Variants in DRC7 observed in about 807,000 individuals in gnomAD.
DRC7 encodes dynein regulatory complex subunit 7.
DRC7 carries 80 observed loss-of-function variants against 104.4 expected under a neutral mutation model. The observed-to-expected ratio is 0.77, with a 90% CI of 0.64 to 0.92. The LOEUF (loss-of-function observed/expected upper bound fraction) is 0.92, where lower values mean the gene tolerates loss of function less well. Among genes scored for constraint, DRC7 ranks in the 40% least tolerant of loss-of-function variants. The probability of loss-of-function intolerance (pLI) is 0.00; values close to 1 mark genes in which losing one functional copy is unlikely to be tolerated. For missense variants in DRC7, 1,034 were observed against 1,141.1 expected (o/e 0.91, Z 1.35); for synonymous variants, 405 against 447.3 (o/e 0.91, Z 1.19).
chr16:57,713,544 T>C (rs2048810277), intron 8 of DRC7, among the ~76,000 whole-genome samples: 1 of 152,256 alleles, frequency 6.6e-6, no homozygotes, highest in African/African-American at 2.4e-5. Context: ...GATATTAATA[T>C]AGCCACTGGA....
intron 8 of DRC7, among the ~76,000 whole-genome samples, chr16:57,712,755 C>G (rs751459946): frequency 6.6e-6 from 1 of 152,022 alleles, no homozygotes; most frequent in Non-Finnish European, 1.5e-5. Flanking sequence ...GCAATCTCCA[C>G]CTCCTGGGTT....
chr16:57,715,003 A>G, intron 8 of DRC7: 2 of 256,530 alleles, frequency 7.8e-6, no homozygotes, highest in Admixed American at 9.0e-5. Flanking sequence ...CAGATGCACC[A>G]AATTATGGGA....
Position 57,724,771 on chromosome 16 carries a change from G to T in DRC7, c.1694G>T (p.Ser565Ile). Residue 565 changes from serine to isoleucine, a missense_variant, in exon 13 of 19, where the codon AGC becomes ATC. Coordinates refer to ENST00000360716, the MANE Select transcript of DRC7 (RefSeq NM_001289162.2). The stretch of plus-strand genomic sequence containing the variant: ...GACTTCCTCTCCTACCGCCATGCCA[G>T]CTTCGGACCCCGAGTCAAGAAGCTC... ...RPDFLSYRHA[S>I]FGPRVKKLTL... The T allele has an allele frequency of 6.2e-7, 1 of 1,613,826 alleles. No individual in the cohort carries two copies. Among genetic ancestry groups the T allele is most frequent in the Admixed American group, 1.7e-5 (1 of 60,020 alleles).
chr16:57,701,797 A>AG, intron 5 of DRC7, 139 bp from the exon 6 acceptor site: 1 of 658,750 alleles, frequency 1.5e-6, no homozygotes. Flanking sequence ...TGACCCCACA[A>AG]GGGTTAGGGG....
In DRC7 at chr16:57,707,459, G is replaced by A. The variant is rs1175071073; in HGVS notation, c.859-1G>A. 1.9e-6 allele frequency: 3 copies of A among 1,610,162 alleles called. No homozygotes were observed. The highest frequency in any genetic ancestry group is 2.5e-6 in the Non-Finnish European group (3 of 1,178,050). On this transcript the variant is annotated splice_acceptor_variant, in intron 7 of 18. Coordinates refer to ENST00000360716, the MANE Select transcript of DRC7 (RefSeq NM_001289162.2). LOFTEE classifies it high-confidence loss of function. ...CGTAGTCACCCACCTTTCCTTGGCA[G>A]GAAGCGGAGAAGGCAAAGCCGGATG... is the stretch of plus-strand genomic sequence containing the variant.
chr16:57,718,553 A>ATG, intron 9 of DRC7, 78 bp downstream of exon 9: 1 of 1,555,918 alleles, frequency 6.4e-7, no homozygotes, highest in Admixed American at 1.8e-5. Flanking sequence ...CCAGCAGCAT[A>ATG]TGTGTGGCAG....
chr16:57,699,368 A>G (rs1359051494), intron 4 of DRC7, among the ~76,000 whole-genome samples: 1 of 152,206 alleles, frequency 6.6e-6, no homozygotes, highest in East Asian at 1.9e-4. Flanking sequence ...GGCAGCTGAC[A>G]TAAATGCTAA....
intron 17 of DRC7, 95 bp downstream of exon 17, chr16:57,728,679 T>A (rs1263748493): frequency 9.7e-7 from 1 of 1,035,668 alleles, no homozygotes; most frequent in Non-Finnish European, 1.4e-6. Context: ...CACAGGCTTG[T>A]GAGGGCCTGA....
At chr16:57,706,943 C>T (rs2048739072) in intron 7 of DRC7, among the ~76,000 whole-genome samples, 1 of 152,036 alleles carries the variant, frequency 6.6e-6, no homozygotes, top group Non-Finnish European at 1.5e-5. Flanking sequence ...CAGCCATCCT[C>T]CTACCCATCT....
chr16:57,706,513 TCCTCCCAC>T (rs1418638020), intron 7 of DRC7, among the ~76,000 whole-genome samples: 2 of 121,768 alleles, frequency 1.6e-5, no homozygotes, highest in African/African-American at 3.2e-5. Context: ...CATCCATCCA[TCCTCCCAC>T]CCTCCCATCC....
intron 8 of DRC7, among the ~76,000 whole-genome samples, chr16:57,712,771 G>A (rs369900774): frequency 2.0e-5 from 3 of 151,992 alleles, no homozygotes; most frequent in Non-Finnish European, 2.9e-5. Context: ...GGGTTCAAGC[G>A]ATTCTCCTGG....
At chr16:57,718,676 C>A (rs1372783769) in intron 9 of DRC7, among the ~76,000 whole-genome samples, 1 of 152,176 alleles carries the variant, frequency 6.6e-6, no homozygotes, top group East Asian at 1.9e-4. Context: ...GAAACCTACC[C>A]AGGACCTCCC....
At chr16:57,697,751 C>A (rs1442522129) in intron 2 of DRC7, 162 bp from the exon 3 acceptor site, 23 of 756,234 alleles carry the variant, frequency 3.0e-5, no homozygotes, top group Admixed American at 4.8e-5. Flanking sequence ...CAAACAGAGA[C>A]TTTCTCCATG....
Position 57,722,850 on chromosome 16 carries a change from G to C in DRC7, c.1408+9G>C, listed in dbSNP as rs757891193. The C allele has an allele frequency of 6.2e-7, 1 of 1,613,660 alleles. No individual in the cohort carries two copies. Among genetic ancestry groups the C allele is most frequent in the Admixed American group, 1.7e-5 (1 of 60,020 alleles). On this transcript the variant is annotated intron_variant, in intron 11 of 18. Coordinates refer to ENST00000360716, the MANE Select transcript of DRC7 (RefSeq NM_001289162.2). The stretch of plus-strand genomic sequence containing the variant: ...CTATGAGGACTTGCAGTGTAAGGGG[G>C]ATTGCTCTGGACATGGGTCCAGGCC...
chr16:57,700,656 C>CAAAAAAAA (rs59120133), intron 5 of DRC7, among the ~76,000 whole-genome samples: 3 of 88,614 alleles, frequency 3.4e-5, no homozygotes, highest in Non-Finnish European at 6.6e-5. Flanking sequence ...AAAACTCTCT[C>CAAAAAAAA]AAAAAAAAAA....
chr16:57,728,125 GTCAGATCC>G (rs1286121973), intron 16 of DRC7, among the ~76,000 whole-genome samples: 3 of 152,254 alleles, frequency 2.0e-5, no homozygotes, highest in Non-Finnish European at 2.9e-5. Context: ...ACATGATCCT[GTCAGATCC>G]TCAGATCCTC....
intron 8 of DRC7, chr16:57,714,361 C>A: frequency 6.2e-6 from 1 of 161,238 alleles, no homozygotes; most frequent in Non-Finnish European, 1.3e-5. Flanking sequence ...CGGCTTACGC[C>A]TGTAATCCTG....
rs372986204 is a variant in DRC7, at chr16:57,697,992, G to T, written c.43G>T (p.Glu15Ter). Residue 15 changes from glutamate to a stop codon, truncating the protein, a stop_gained, in exon 3 of 19, where the codon GAG (glutamate) becomes TAG (stop). Transcript: ENST00000360716. LOFTEE classifies it high-confidence loss of function. ...GAAGGTGGAGGAGGAGGAGGAGGCC[G>T]AGCGGGAGGAGGCGGCCGAGTGGGC... is the stretch of plus-strand genomic sequence containing the variant. ...REKVEEEEEA[E>*]REEAAEWAEW... The T allele has an allele frequency of 6.2e-7, 1 of 1,613,566 alleles. No homozygotes were observed. The highest frequency in any genetic ancestry group is 8.5e-7 in the Non-Finnish European group (1 of 1,180,018).
chr16:57,707,888 C>T (rs1483127433), intron 8 of DRC7: 1 of 597,778 alleles, frequency 1.7e-6, no homozygotes, highest in Non-Finnish European at 3.0e-6. Context: ...TTTGTGTATC[C>T]TTCTAAAGTG....
Sources: gnomAD v4.1 joint callset for allele counts (sites outside exome capture counted in the v4.1 genomes callset) on GRCh38, gnomAD v4.1.1 for gene constraint, MANE v1.5 for transcripts, NCBI Gene and HGNC (gene_info 2026-07-23, HGNC 2026-07-21) for gene names.